GRM7: variants seen among roughly 807,000 people sequenced by gnomAD.
The protein encoded by GRM7 is glutamate metabotropic receptor 7.
Under a neutral mutation model 84.5 loss-of-function variants are expected in GRM7, and 35 were observed. That is an observed-to-expected ratio of 0.41 (90% CI 0.32 to 0.55). GRM7 has a LOEUF of 0.55. Ranked by LOEUF, GRM7 falls within the 20% of genes least tolerant of loss-of-function variation. The probability of loss-of-function intolerance (pLI) is 0.19; values close to 1 mark genes in which losing one functional copy is unlikely to be tolerated. For synonymous variants in GRM7, 487 were observed against 455.1 expected, an observed-to-expected ratio of 1.07 and a Z score of -0.89; for missense variants, 1,003 against 1,194.6, an observed-to-expected ratio of 0.84 and a Z score of 2.36.
At chr3:7,426,206 G>A (rs1403737686) in intron 5 of GRM7, among the ~76,000 whole-genome samples, 1 of 151,310 alleles carries the variant, frequency 6.6e-6, no homozygotes, top group Non-Finnish European at 1.5e-5. Context: ...CACAACCTCT[G>A]TCTCCCGGGT....
intron 4 of GRM7, among the ~76,000 whole-genome samples, chr3:7,379,887 C>CTCAG (rs932264172): frequency 2.6e-5 from 4 of 152,132 alleles, no homozygotes; most frequent in African/African-American, 9.7e-5. Context: ...TACCTGCTTC[C>CTCAG]TCAGGGTCAT....
chr3:7,649,521 G>A (rs1698829756), intron 8 of GRM7, among the ~76,000 whole-genome samples: 2 of 152,060 alleles, frequency 1.3e-5, no homozygotes, highest in African/African-American at 4.8e-5. Context: ...TGTCTCTTGC[G>A]ATTTTTTGTT....
rs1323095089 is a variant in GRM7, at chr3:7,365,660, T to TAC, written c.1034-49362_1034-49361insCA. On this transcript the variant is annotated intron_variant, in intron 4 of 9. Coordinates refer to ENST00000357716, the MANE Select transcript of GRM7 (RefSeq NM_000844.4). ...GTGTGCGTGTGTGTATATATATATA[T>TAC]ATATACACACACGCACACACACACA... Among the ~76,000 whole-genome samples, 8 of 145,428 alleles carry TAC rather than the reference T, an allele frequency of 5.5e-5. No individual in the cohort carries two copies. The East Asian group carries it at 1.4e-3, about 26-fold the overall frequency.
chr3:7,184,342 A>G (rs1695444574), intron 2 of GRM7, among the ~76,000 whole-genome samples: 1 of 152,142 alleles, frequency 6.6e-6, no homozygotes, highest in African/African-American at 2.4e-5. Context: ...CCTTAGATGT[A>G]TTAATCAAAT....
At chr3:7,031,619 A>G (rs1235528527) in intron 1 of GRM7, among the ~76,000 whole-genome samples, 3 of 151,988 alleles carry the variant, frequency 2.0e-5, no homozygotes, top group African/African-American at 7.2e-5. Flanking sequence ...GGATTTCACC[A>G]TGTTAGCCAG....
At chr3:7,423,155 G>T (rs542360410) in intron 5 of GRM7, among the ~76,000 whole-genome samples, 12 of 152,222 alleles carry the variant, frequency 7.9e-5, no homozygotes, top group African/African-American at 2.9e-4. Flanking sequence ...CACTCCCTCA[G>T]TTTTTTTCCT....
intron 1 of GRM7, among the ~76,000 whole-genome samples, chr3:7,017,719 C>T (rs9842513): frequency 0.39 from 58,673 of 150,628 alleles, 12,490 homozygotes; most frequent in East Asian, 0.5. Context: ...CAGTGAAGCC[C>T]CATCCTCACA....
chr3:7,345,515 G>A (rs569727105), intron 4 of GRM7, among the ~76,000 whole-genome samples: 5 of 151,874 alleles, frequency 3.3e-5, no homozygotes, highest in South Asian at 2.1e-4. Flanking sequence ...AACTCCTGAC[G>A]TCAAGTGATC....
At chr3:6,971,789 T>C (rs145023285) in intron 1 of GRM7, among the ~76,000 whole-genome samples, 156 of 152,304 alleles carry the variant, frequency 1.0e-3, no homozygotes, top group African/African-American at 3.5e-3. Context: ...TTCCTTATAG[T>C]GATGGAGAAA....
rs1697381014 is a variant in GRM7, at chr3:6,928,232, T to C, written c.519+66325T>C. On this transcript the variant is annotated intron_variant, in intron 1 of 9. Transcript: ENST00000357716. This position sits in a 1 kb window ranked among gnomAD's most constrained non-coding sequence, Gnocchi z 4.5. The stretch of plus-strand genomic sequence containing the variant: ...ATGTCCCTTGGAATTCCCCCAAAGA[T>C]AGTTGCTCAATACCACTCTCTTTCC... Among the ~76,000 whole-genome samples, 1 of 152,030 alleles carries C rather than the reference T, an allele frequency of 6.6e-6. No individual in the cohort carries two copies. The highest frequency in any genetic ancestry group is 1.5e-5 in the Non-Finnish European group (1 of 68,002).
At chr3:7,221,130 A>G (rs1481042245) in intron 2 of GRM7, among the ~76,000 whole-genome samples, 1 of 152,096 alleles carries the variant, frequency 6.6e-6, no homozygotes, top group African/African-American at 2.4e-5. Flanking sequence ...GAAAACAAAC[A>G]AACAAAAAAA....
intron 8 of GRM7, among the ~76,000 whole-genome samples, chr3:7,655,153 A>C (rs771086937): frequency 1.1e-4 from 16 of 152,360 alleles, no homozygotes; most frequent in Admixed American, 2.6e-4. Context: ...GTAGAAAAAC[A>C]GGTAAATTGA....
rs1553632699 is a variant in GRM7 at position 7,656,522 on chromosome 3, A to AAATAT, written c.2452-23526_2452-23525insATATA. ...AAAAACAAACAAACAAATAAAAAAA[A>AAATAT]ATATATATATATATATACGCGCGCG... On this transcript the variant is annotated intron_variant, in intron 8 of 9. Transcript: ENST00000357716. 4.7e-5 allele frequency among the ~76,000 whole-genome samples: 6 copies of AAATAT among 128,606 alleles called. 1 individual carries two copies. Among genetic ancestry groups the AAATAT allele is most frequent in the African/African-American group, 1.7e-4 (6 of 35,114 alleles). The allele number at this position is 128,606 out of a possible 152,430, so 84.4% of individuals were successfully genotyped here. A position where few individuals can be genotyped will look rare whatever the true frequency, so the allele number is the denominator to read the frequency against.
At chr3:6,895,204 A>T (rs907770559) in intron 1 of GRM7, among the ~76,000 whole-genome samples, 1 of 152,148 alleles carries the variant, frequency 6.6e-6, no homozygotes, top group Non-Finnish European at 1.5e-5. Context: ...GACTCCAAAG[A>T]TTTCTATACC....
chr3:7,433,745 C>T (rs1559318655), intron 5 of GRM7, among the ~76,000 whole-genome samples: 1 of 152,002 alleles, frequency 6.6e-6, no homozygotes, highest in African/African-American at 2.4e-5. Context: ...AAATATATTC[C>T]CTAAGGAATG....
intron 1 of GRM7, among the ~76,000 whole-genome samples, chr3:6,950,169 T>C (rs1014053964): frequency 6.6e-6 from 1 of 152,330 alleles, no homozygotes; most frequent in African/African-American, 2.4e-5. Context: ...CTCTGTTTTT[T>C]CCCCATCTTT....
Position 6,862,809 on chromosome 3 carries a change from T to C in GRM7, c.519+902T>C, listed in dbSNP as rs1292749407. On this transcript the variant is annotated intron_variant, in intron 1 of 9. Coordinates refer to ENST00000357716, the MANE Select transcript of GRM7 (RefSeq NM_000844.4). This position sits in a 1 kb window ranked among gnomAD's most constrained non-coding sequence, Gnocchi z 5.2. Reference sequence around the variant, plus strand: ...GGAGGACGATTCCCGGAGCGAGGCATGAAGGCGCCCGTTGGGAGGCAGAGG... The same window carrying C: ...GGAGGACGATTCCCGGAGCGAGGCACGAAGGCGCCCGTTGGGAGGCAGAGG... 1 of 306,516 alleles carries C rather than the reference T, an allele frequency of 3.3e-6. No homozygotes were observed. The highest frequency in any genetic ancestry group is 4.7e-5 in the Admixed American group (1 of 21,482). The allele number at this position is 306,516 out of a possible 1,614,324, so 19.0% of individuals were successfully genotyped here. A position where few individuals can be genotyped will look rare whatever the true frequency, so the allele number is the denominator to read the frequency against.
intron 9 of GRM7, among the ~76,000 whole-genome samples, chr3:7,704,527 A>G (rs528639583): frequency 6.6e-6 from 1 of 152,336 alleles, no homozygotes; most frequent in Non-Finnish European, 1.5e-5. Context: ...ATGTAATATT[A>G]AAATGTCTTT....
chr3:7,479,732 C>A (rs1166954928), intron 7 of GRM7, among the ~76,000 whole-genome samples: 1 of 151,996 alleles, frequency 6.6e-6, no homozygotes, highest in Non-Finnish European at 1.5e-5. Context: ...ACCAGAGGTC[C>A]CCAACTATGC....
Sources: gnomAD v4.1 joint callset for allele counts (sites outside exome capture counted in the v4.1 genomes callset) on GRCh38, gnomAD v4.1.1 for gene constraint, Gnocchi (gnomAD v3.1) non-coding constraint, MANE v1.5 for transcripts, NCBI Gene and HGNC (gene_info 2026-07-23, HGNC 2026-07-21) for gene names.